The following G6PD variants were observed in gnomAD, a reference collection of about 807,000 sequenced individuals.
The protein encoded by G6PD is glucose-6-phosphate 1-dehydrogenase.
In G6PD, 2 loss-of-function variants were observed where a neutral mutation model predicts 38.2. The observed-to-expected ratio is 0.05, with a 90% CI of 0.02 to 0.16. The LOEUF (loss-of-function observed/expected upper bound fraction) is 0.16. Among genes scored for constraint, G6PD ranks in the 10% least tolerant of loss-of-function variants. G6PD has a pLI of 1.00. For missense variants in G6PD, 310 were observed against 471.6 expected, an observed-to-expected ratio of 0.66 and a Z score of 3.17; for synonymous variants, 188 against 196.0, an observed-to-expected ratio of 0.96 and a Z score of 0.34.
chrX:154,546,186 A>G (rs782670098), intron 1 of G6PD, 23 bp from the exon 2 acceptor site: 9 of 1,208,714 alleles, frequency 7.4e-6, no homozygotes, highest in Non-Finnish European at 1.0e-5. Context: ...AGGCTCGTTA[A>G]CAAGGCAGAA....
chrX:154,546,159 G>T lies in G6PD; in HGVS notation c.-4C>A, dbSNP rs781792803. On this transcript the variant is annotated 5_prime_UTR_variant, in exon 2 of 13. Coordinates refer to ENST00000393562, the MANE Select transcript of G6PD (RefSeq NM_001360016.2). ...TCAGGGCCACCTGCTCTGCCATGACGCTGTCTGGTGGAAGAAAGGCTCGTT... is the reference window on the plus strand; with the variant it reads ...TCAGGGCCACCTGCTCTGCCATGACTCTGTCTGGTGGAAGAAAGGCTCGTT... 7 of 1,210,047 alleles carry T rather than the reference G, an allele frequency of 5.8e-6. No individual in the cohort carries two copies. The Admixed American group carries it at 6.5e-5, about 11-fold the overall frequency.
At chrX:154,540,952 G>A (rs2070488994) in intron 2 of G6PD, among the ~76,000 whole-genome samples, 1 of 111,424 alleles carries the variant, frequency 9.0e-6, no homozygotes, top group Non-Finnish European at 1.9e-5. Flanking sequence ...ACAACCCCTC[G>A]CCCTGGGGTA....
intron 1 of G6PD, 120 bp from the exon 2 acceptor site, chrX:154,546,283 C>T (rs1205121853): frequency 1.0e-6 from 1 of 977,749 alleles, no homozygotes; most frequent in East Asian, 3.1e-5. Context: ...GCCCAAATCA[C>T]TCCTTGTGAA....
intron 1 of G6PD, 70 bp downstream of exon 1, chrX:154,546,719 T>A (rs2070730257): frequency 1.1e-6 from 1 of 927,181 alleles, no homozygotes; most frequent in Admixed American, 2.9e-5. Context: ...CAGCGTGTAT[T>A]TTACCGCCGC....
intron 2 of G6PD, chrX:154,542,147 T>C (rs1019785049): frequency 8.2e-6 from 4 of 490,760 alleles, no homozygotes; most frequent in Admixed American, 8.3e-5. Flanking sequence ...AAGAATCTTA[T>C]CAGACCAATG....
rs137852337 is a variant in G6PD at position 154,532,434 on chromosome X, C to T, written c.1316G>A (p.Arg439His). ...KNVKLPDAYE[R>H]LILDVFCGSQ... ...CCCGCAGAAGACGTCCAGGATGAGG[C>T]GCTCATAGGCGTCAGGGAGCTTCAC... Residue 439 changes from arginine (R) to histidine (H), a missense_variant, in exon 11 of 13, where the codon CGC (arginine) becomes CAC (histidine). Transcript: ENST00000393562. The T allele has an allele frequency of 8.3e-7, 1 of 1,211,337 alleles. No individual in the cohort carries two copies. Among genetic ancestry groups the T allele is most frequent in the Non-Finnish European group, 1.1e-6 (1 of 895,358 alleles).
At position 154,533,135 on chromosome X, in the gene G6PD, G is replaced by A; in HGVS notation, c.865-7C>T. 1 of 1,210,978 alleles carries A rather than the reference G, an allele frequency of 8.3e-7. No homozygotes were observed. The highest frequency in any genetic ancestry group is 1.1e-6 in the Non-Finnish European group (1 of 894,628). Reference sequence around the variant, plus strand: ...TGCATTTCAACACCTTGACCTGAGAGAAAGCCAAGGGAGAGAATGGGCTCC... The same window carrying A: ...TGCATTTCAACACCTTGACCTGAGAAAAAGCCAAGGGAGAGAATGGGCTCC... On this transcript the variant is annotated splice_region_variant and splice_polypyrimidine_tract_variant and intron_variant, in intron 8 of 12. Transcript: ENST00000393562.
upstream of G6PD, chrX:154,547,563 C>G (rs1241552525): frequency 2.7e-5 from 20 of 754,084 alleles, no homozygotes; most frequent in Non-Finnish European, 2.8e-5. Flanking sequence ...GCCGGCTTCC[C>G]GAGTTCTCGG....
Position 154,532,810 on chromosome X carries a change from G to C in G6PD, c.1052-8C>G. 1 of 1,207,090 alleles carries C rather than the reference G, an allele frequency of 8.3e-7. No homozygotes were observed. Among genetic ancestry groups the C allele is most frequent in the African/African-American group, 1.7e-5 (1 of 57,699 alleles). On this transcript the variant is annotated splice_polypyrimidine_tract_variant and splice_region_variant and intron_variant, in intron 9 of 12. Coordinates refer to ENST00000393562, the MANE Select transcript of G6PD (RefSeq NM_001360016.2). ...GCAGGATGAAGGGCACCCCTACGTG[G>C]CGGAAAGGGCAGCCTCAGCACCAGC...
chrX:154,547,224 A>T (rs1162183876), upstream of G6PD: 2 of 548,747 alleles, frequency 3.6e-6, no homozygotes, highest in Non-Finnish European at 2.2e-6. Flanking sequence ...TTCCGCCGGC[A>T]GCGTGGCCAC....
intron 5 of G6PD, 152 bp downstream of exon 5, chrX:154,535,016 G>T (rs1013943774): frequency 1.7e-6 from 1 of 575,575 alleles, no homozygotes; most frequent in Non-Finnish European, 2.9e-6. Context: ...GTGTTTCGTG[G>T]AGCAACGCTG....
chrX:154,532,789 G>A lies in G6PD; in HGVS notation c.1065C>T (p.Ile355=), dbSNP rs1557229753. 8 of 1,208,856 alleles carry A rather than the reference G, an allele frequency of 6.6e-6. No individual in the cohort carries two copies. In the East Asian group the frequency reaches 2.1e-4, roughly 31 times the overall value. Residue 355 remains isoleucine (I), a synonymous_variant, in exon 10 of 13, where the codon ATC becomes ATT. Coordinates refer to ENST00000393562, the MANE Select transcript of G6PD (RefSeq NM_001360016.2). ...CGTTCAGGGCCTTGCCGCAGCGCAG[G>A]ATGAAGGGCACCCCTACGTGGCGGA... ...ENERWDGVPF[I]LRCGKALNER... is the part of the protein sequence containing the mutation.
chrX:154,535,590 C>T (rs966815277), intron 4 of G6PD: 47 of 464,507 alleles, frequency 1.0e-4, no homozygotes, highest in Admixed American at 6.5e-4. Flanking sequence ...AAGCAGGCAG[C>T]ACAGACACTG....
chrX:154,541,768 C>T (rs995036616), intron 2 of G6PD, among the ~76,000 whole-genome samples: 1 of 112,624 alleles, frequency 8.9e-6, no homozygotes, highest in Non-Finnish European at 1.9e-5. Context: ...GATCTCTAGC[C>T]ACCAACATCT....
intron 7 of G6PD, 39 bp downstream of exon 7, chrX:154,533,996 C>T (rs2070374777): frequency 8.3e-7 from 1 of 1,211,065 alleles, no homozygotes; most frequent in African/African-American, 1.7e-5. Flanking sequence ...GGCTCTGCCA[C>T]CCTGTGCCAG....
At chrX:154,536,208 G>T (rs782549007) in intron 2 of G6PD, 30 bp from the exon 3 acceptor site, 1 of 1,202,443 alleles carries the variant, frequency 8.3e-7, no homozygotes, top group South Asian at 1.8e-5. Flanking sequence ...TGTGTGGTTA[G>T]AAGTGGCTGG....
upstream of G6PD, chrX:154,547,412 C>G (rs781805151): frequency 4.1e-5 from 31 of 754,301 alleles, no homozygotes; most frequent in East Asian, 1.5e-4. Context: ...GTCCGAGAGA[C>G]GAGGGGGCGT....
Position 154,532,771 on chromosome X carries a change from G to A in G6PD, c.1083C>T (p.Ala361=). 8.3e-7 allele frequency: 1 copy of A among 1,209,868 alleles called. No homozygotes were observed. The highest frequency in any genetic ancestry group is 1.1e-6 in the Non-Finnish European group (1 of 894,495). Residue 361 remains alanine (A), a synonymous_variant, in exon 10 of 13, where the codon GCC becomes GCT. Transcript: ENST00000393562. Reference sequence around the variant, plus strand: ...TCACCTCGGCCTTGCGCTCGTTCAGGGCCTTGCCGCAGCGCAGGATGAAGG... The same window carrying A: ...TCACCTCGGCCTTGCGCTCGTTCAGAGCCTTGCCGCAGCGCAGGATGAAGG... ...GVPFILRCGK[A]LNERKAEVRL...
intron 7 of G6PD, 49 bp downstream of exon 7, chrX:154,533,986 G>A: frequency 4.1e-6 from 5 of 1,210,424 alleles, no homozygotes; most frequent in Non-Finnish European, 5.6e-6. Context: ...CAGGGTGACT[G>A]GCTCTGCCAC....
Sources: gnomAD v4.1 joint callset for allele counts (sites outside exome capture counted in the v4.1 genomes callset) on GRCh38, gnomAD v4.1.1 for gene constraint, MANE v1.5 for transcripts, NCBI Gene and HGNC (gene_info 2026-07-23, HGNC 2026-07-21) for gene names.